The following LRRC4C variants were observed in gnomAD, a reference collection of about 807,000 sequenced individuals.
LRRC4C encodes leucine-rich repeat-containing protein 4C.
In LRRC4C, 5 loss-of-function variants were observed where a neutral mutation model predicts 33.6. That is an observed-to-expected ratio of 0.15 (90% CI 0.08 to 0.31). LRRC4C has a LOEUF of 0.31. Among genes scored for constraint, LRRC4C ranks in the 10% least tolerant of loss-of-function variants. LRRC4C has a pLI of 1.00. For missense variants in LRRC4C, 560 were observed against 796.7 expected, an observed-to-expected ratio of 0.70 and a Z score of 3.58; for synonymous variants, 329 against 302.0, an observed-to-expected ratio of 1.09 and a Z score of -0.93.
chr11:40,391,064 TA>T (rs1276247065), intron 3 of LRRC4C, among the ~76,000 whole-genome samples: 1 of 152,018 alleles, frequency 6.6e-6, no homozygotes, highest in African/African-American at 2.4e-5. Flanking sequence ...GTATTTTTAG[TA>T]TAGATGGGGT....
At chr11:40,636,663 A>T (rs1408112232) in intron 3 of LRRC4C, among the ~76,000 whole-genome samples, 1 of 152,158 alleles carries the variant, frequency 6.6e-6, no homozygotes, top group East Asian at 1.9e-4. Flanking sequence ...TACAACATGT[A>T]ACATATAGTA....
chr11:40,198,331 T>C (rs953225151), intron 5 of LRRC4C, among the ~76,000 whole-genome samples: 7 of 152,210 alleles, frequency 4.6e-5, no homozygotes, highest in African/African-American at 1.7e-4. Flanking sequence ...CCACCTATTT[T>C]CAGCTGAGAT....
chr11:40,929,261 A>G (rs1204282213), intron 2 of LRRC4C, among the ~76,000 whole-genome samples: 1 of 152,148 alleles, frequency 6.6e-6, no homozygotes, highest in Admixed American at 6.6e-5. Context: ...TTAATCCCAT[A>G]CTTCTTTAAA....
chr11:40,431,120 T>A (rs1950912212), intron 3 of LRRC4C, among the ~76,000 whole-genome samples: 1 of 137,960 alleles, frequency 7.2e-6, no homozygotes, highest in Non-Finnish European at 1.6e-5. Flanking sequence ...AAAAAATAAA[T>A]TAAGCACATT....
chr11:40,839,246 T>C (rs777578012), intron 2 of LRRC4C, among the ~76,000 whole-genome samples: 52 of 152,236 alleles, frequency 3.4e-4, no homozygotes, highest in Middle Eastern at 3.4e-3. Context: ...TTTTCTTTTC[T>C]TTTTTTGAGA....
chr11:40,627,074 G>GTTTTTTTTTTTTT, intron 3 of LRRC4C, among the ~76,000 whole-genome samples: 1 of 112,464 alleles, frequency 8.9e-6, no homozygotes, highest in Non-Finnish European at 1.9e-5. Context: ...CAGCTATACT[G>GTTTTTTTTTTTTT]TTTTTTTTTT....
chr11:41,085,338 CA>C (rs201381697), intron 1 of LRRC4C, among the ~76,000 whole-genome samples: 139 of 147,782 alleles, frequency 9.4e-4, no homozygotes, highest in African/African-American at 3.1e-3. Flanking sequence ...TGGGACCTTT[CA>C]AAAAAAAAAT....
chr11:41,343,490 C>T (rs1246109743), intron 1 of LRRC4C, among the ~76,000 whole-genome samples: 1 of 152,152 alleles, frequency 6.6e-6, no homozygotes, highest in Non-Finnish European at 1.5e-5. Flanking sequence ...AAGTGAAATT[C>T]GATTATCTTT....
intron 1 of LRRC4C, among the ~76,000 whole-genome samples, chr11:41,191,726 C>T (rs1318943203): frequency 6.6e-6 from 1 of 152,100 alleles, no homozygotes; most frequent in East Asian, 1.9e-4. Flanking sequence ...CATCTCCCAC[C>T]CAACTTCTCA....
chr11:40,785,925 G>A (rs112460594), intron 2 of LRRC4C, among the ~76,000 whole-genome samples: 2,775 of 152,162 alleles, frequency 0.018, 43 homozygotes, highest in African/African-American at 0.032. Context: ...CGGAAGTTGA[G>A]AAGAGAGGAA....
At chr11:40,851,180 GA>G (rs146000204) in intron 2 of LRRC4C, among the ~76,000 whole-genome samples, 189 of 149,488 alleles carry the variant, frequency 1.3e-3, no homozygotes, top group South Asian at 3.6e-3. Flanking sequence ...GGGTATGGGG[GA>G]AAAAAAAAAC....
chr11:41,370,807 C>G (rs1384953503), intron 1 of LRRC4C, among the ~76,000 whole-genome samples: 1 of 152,108 alleles, frequency 6.6e-6, no homozygotes, highest in Non-Finnish European at 1.5e-5. Flanking sequence ...ACTCTCACTG[C>G]TAGGATTATA....
chr11:41,126,698 C>A (rs986310115), intron 1 of LRRC4C, among the ~76,000 whole-genome samples: 1 of 151,736 alleles, frequency 6.6e-6, no homozygotes, highest in Non-Finnish European at 1.5e-5. Context: ...TCGAAAAGTG[C>A]TGATATATTG....
chr11:40,792,409 G>T (rs1046310778), intron 2 of LRRC4C, among the ~76,000 whole-genome samples: 1 of 152,070 alleles, frequency 6.6e-6, no homozygotes, highest in Non-Finnish European at 1.5e-5. Flanking sequence ...TATAAAGTTA[G>T]AAAGGGAAAT....
chr11:41,192,336 G>A (rs1262242367), intron 1 of LRRC4C, among the ~76,000 whole-genome samples: 1 of 151,632 alleles, frequency 6.6e-6, no homozygotes, highest in East Asian at 1.9e-4. Context: ...GTGTGTGTGT[G>A]TGTGTGTGTG....
chr11:40,870,097 C>T (rs867549181), intron 2 of LRRC4C, among the ~76,000 whole-genome samples: 26 of 152,100 alleles, frequency 1.7e-4, no homozygotes, highest in African/African-American at 5.6e-4. Context: ...GTTAAGTCCT[C>T]AAGGAGCTCC....
chr11:41,045,458 C>A (rs1857709035), intron 1 of LRRC4C, among the ~76,000 whole-genome samples: 1 of 152,130 alleles, frequency 6.6e-6, no homozygotes, highest in Non-Finnish European at 1.5e-5. Context: ...ATAGAGTCAT[C>A]CAGACCATGG....
intron 1 of LRRC4C, among the ~76,000 whole-genome samples, chr11:41,296,524 G>A (rs571415270): frequency 1.1e-4 from 16 of 151,908 alleles, no homozygotes; most frequent in Middle Eastern, 3.4e-3. Context: ...CATGTTGACC[G>A]GACCGGTCTT....
intron 3 of LRRC4C, among the ~76,000 whole-genome samples, chr11:40,365,742 A>G (rs541964487): frequency 6.6e-6 from 1 of 152,178 alleles, no homozygotes. Flanking sequence ...ACATAGTGAG[A>G]ACAATTAACT....
Sources: allele counts gnomAD v4.1 joint callset (sites outside exome capture counted in the v4.1 genomes callset), GRCh38; gene constraint gnomAD v4.1.1; transcripts MANE v1.5; gene names NCBI Gene and HGNC (gene_info 2026-07-23, HGNC 2026-07-21).